Variants in ADGRF5 observed in about 807,000 individuals in gnomAD.
ADGRF5 encodes adhesion G protein-coupled receptor F5, also known as G-protein coupled receptor 116.
A neutral mutation model predicts 132.3 loss-of-function variants in ADGRF5; 75 were observed. The ratio of observed to expected loss-of-function variants is 0.57; its 90% CI spans 0.47 to 0.69. ADGRF5 has a LOEUF of 0.69. Ranked by LOEUF, ADGRF5 falls within the 30% of genes least tolerant of loss-of-function variation. The pLI, the probability that ADGRF5 is intolerant of heterozygous loss-of-function variation, is 0.00. For synonymous variants in ADGRF5, 629 were observed against 597.6 expected (o/e 1.05, Z -0.77); for missense variants, 1,516 against 1,630.6 (o/e 0.93, Z 1.21).
At position 46,860,842 on chromosome 6, in the gene ADGRF5, T is replaced by A. The variant is rs754753494; in HGVS notation, c.2252A>T (p.Asp751Val). 6.2e-7 allele frequency: 1 copy of A among 1,613,754 alleles called. No individual in the cohort carries two copies. The highest frequency in any genetic ancestry group is 1.1e-5 in the South Asian group (1 of 91,058). ...CGCTTTGTCTATGCTAATAGAAAGA[T>A]CCTTCAGGTATGTAGGGAGCATCTC... is the stretch of plus-strand genomic sequence containing the variant. ...QDEMLPTYLK[D>V]LSISIDKAEH... Residue 751 changes from aspartate to valine, a missense_variant, in exon 16 of 21, where the codon GAT (aspartate) becomes GTT (valine). By Grantham distance (152) the Asp-to-Val change is radical. Coordinates refer to ENST00000283296, the MANE Select transcript of ADGRF5 (RefSeq NM_001098518.2).
At chr6:46,937,494 C>CAAGGCAACA (rs1311489778) in intron 1 of ADGRF5, among the ~76,000 whole-genome samples, 1 of 152,136 alleles carries the variant, frequency 6.6e-6, no homozygotes, top group Non-Finnish European at 1.5e-5. Context: ...ATTCTAGTTG[C>CAAGGCAACA]AAGGCAACAC....
intron 4 of ADGRF5, among the ~76,000 whole-genome samples, chr6:46,887,603 T>C (rs919387478): frequency 3.3e-5 from 5 of 152,356 alleles, no homozygotes; most frequent in African/African-American, 9.6e-5. Context: ...ATTTGAAATA[T>C]GCGAATTCAA....
chr6:46,939,556 T>C (rs1777976220), intron 1 of ADGRF5, among the ~76,000 whole-genome samples: 1 of 152,226 alleles, frequency 6.6e-6, no homozygotes. Flanking sequence ...TAATTTTCTG[T>C]TTATTTCCTT....
rs1179532345 is a variant in ADGRF5 at position 46,865,134 on chromosome 6, C to G, written c.1898G>C (p.Trp633Ser). ...ACACACATCAACAGTTTTTGAACAC[C>G]AGGAAACTGAGCTTGCATTGAAATT... ...KHNFNASSVS[W>S]CSKTVDVCCH... The change falls in exon 14 of 21, where the codon TGG becomes TCG. Residue 633 changes from tryptophan (W) to serine (S), a missense_variant. This residue lies in a region of ADGRF5 where 945 missense variants were observed against 929.4 expected (regional missense o/e 1.02). Transcript: ENST00000283296. 12 of 1,611,518 alleles carry G rather than the reference C, an allele frequency of 7.4e-6. No homozygotes were observed. Among genetic ancestry groups the G allele is most frequent in the Non-Finnish European group, 9.3e-6 (11 of 1,177,604 alleles).
At chr6:46,933,314 C>T (rs1000992436) in intron 1 of ADGRF5, among the ~76,000 whole-genome samples, 2 of 152,170 alleles carry the variant, frequency 1.3e-5, no homozygotes, top group Non-Finnish European at 2.9e-5. Context: ...CTACACATAT[C>T]GCTCAGTAAA....
At chr6:46,895,626 T>G (rs1334647984) in intron 3 of ADGRF5, among the ~76,000 whole-genome samples, 3 of 149,842 alleles carry the variant, frequency 2.0e-5, no homozygotes, top group Admixed American at 1.3e-4. Context: ...AGTGCAGGGT[T>G]TGGACATCCT....
In ADGRF5 at chr6:46,881,461, T is replaced by G; in HGVS notation, c.808A>C (p.Thr270Pro). 6.2e-7 allele frequency: 1 copy of G among 1,612,718 alleles called. No individual in the cohort carries two copies. The highest frequency in any genetic ancestry group is 8.5e-7 in the Non-Finnish European group (1 of 1,178,744). ...TCTAAACAATTTCACTTACTGATAG[T>G]AACTGCTTGAAAGGAGTTGTAGTCC... The part of the protein sequence containing the change: ...KMDYNSFQAV[T>P]INESNFFVTP... The change falls in exon 8 of 21, where the codon ACT becomes CCT. Residue 270 changes from threonine (T) to proline (P), a missense_variant. By Grantham distance (38) the Thr-to-Pro change is conservative. This residue lies in a region of ADGRF5 where 945 missense variants were observed against 929.4 expected (regional missense o/e 1.02). Coordinates refer to ENST00000283296, the MANE Select transcript of ADGRF5 (RefSeq NM_001098518.2).
intron 2 of ADGRF5, 98 bp from the exon 3 acceptor site, chr6:46,900,181 A>G: frequency 2.2e-6 from 2 of 896,386 alleles, no homozygotes; most frequent in Non-Finnish European, 3.8e-6. Context: ...AGCTGAGCTT[A>G]AGGCTGCAGA....
At position 46,871,908 on chromosome 6, in the gene ADGRF5, C is replaced by G. The variant is rs748050091; in HGVS notation, c.1346G>C (p.Cys449Ser). Residue 449 changes from cysteine (C) to serine (S), a missense_variant, in exon 11 of 21, where the codon TGT (cysteine) becomes TCT (serine). Coordinates refer to ENST00000283296, the MANE Select transcript of ADGRF5 (RefSeq NM_001098518.2). ...GGCTCCATAGGCACTGATGAACTCA[C>G]AAGTGTAGATGACTGTTGTTCCAGA... ...GSSGTTVIYT[C>S]EFISAYGARG... 1 of 1,612,974 alleles carries G rather than the reference C, an allele frequency of 6.2e-7. No individual in the cohort carries two copies. Among genetic ancestry groups the G allele is most frequent in the Non-Finnish European group, 8.5e-7 (1 of 1,179,202 alleles).
chr6:46,910,929 C>G (rs1775883385), intron 1 of ADGRF5, among the ~76,000 whole-genome samples: 2 of 152,182 alleles, frequency 1.3e-5, no homozygotes, highest in Admixed American at 1.3e-4. Context: ...AGTCCTGTTA[C>G]TATTTTAAGA....
At chr6:46,859,825 T>TTTTATTTTATTTTATTTTA (rs1717328777) in intron 16 of ADGRF5, among the ~76,000 whole-genome samples, 2 of 151,250 alleles carry the variant, frequency 1.3e-5, no homozygotes, top group Admixed American at 1.3e-4. Flanking sequence ...TACTATTTTA[T>TTTTATTTTATTTTATTTTA]TTTATTTTAT....
rs1775414914 is a variant in ADGRF5, at chr6:46,906,700, A to G, written c.63T>C (p.Ala21=). 2 of 1,602,596 alleles carry G rather than the reference A, an allele frequency of 1.2e-6. No homozygotes were observed. Among genetic ancestry groups the G allele is most frequent in the Non-Finnish European group, 1.7e-6 (2 of 1,169,512 alleles). ...LMFIVIYSSK[A]ALNWNYESTI... is the part of the protein sequence containing the mutation. ...TAGACTCGTAATTCCAGTTCAGTGCAGCTTTGGAAGAATAAATCACAATAA... is the reference window on the plus strand; with the variant it reads ...TAGACTCGTAATTCCAGTTCAGTGCGGCTTTGGAAGAATAAATCACAATAA... Residue 21 remains alanine (A), a synonymous_variant, in exon 2 of 21, where the codon GCT becomes GCC. Transcript: ENST00000283296.
At chr6:46,911,544 TC>T (rs1281312651) in intron 1 of ADGRF5, among the ~76,000 whole-genome samples, 1 of 152,178 alleles carries the variant, frequency 6.6e-6, no homozygotes, top group Non-Finnish European at 1.5e-5. Flanking sequence ...ATTCTACCCA[TC>T]CTTCAATGCC....
chr6:46,899,026 G>A (rs1370829654), intron 3 of ADGRF5, among the ~76,000 whole-genome samples: 1 of 152,186 alleles, frequency 6.6e-6, no homozygotes, highest in Non-Finnish European at 1.5e-5. Flanking sequence ...GGGTGGTAAA[G>A]AGGAGGTAAA....
intron 1 of ADGRF5, among the ~76,000 whole-genome samples, chr6:46,945,044 A>G (rs1778250130): frequency 6.6e-6 from 1 of 152,256 alleles, no homozygotes; most frequent in Admixed American, 6.5e-5. Context: ...ATGCAACACC[A>G]GCATTGGCAG....
At chr6:46,931,146 G>A (rs1191786504) in intron 1 of ADGRF5, among the ~76,000 whole-genome samples, 2 of 152,184 alleles carry the variant, frequency 1.3e-5, no homozygotes, top group African/African-American at 2.4e-5. Flanking sequence ...CAGTTTGAGA[G>A]GATGATAGGC....
chr6:46,883,092 C>T (rs1275436091), intron 6 of ADGRF5, among the ~76,000 whole-genome samples: 1 of 152,224 alleles, frequency 6.6e-6, no homozygotes. Context: ...GGAATACTCT[C>T]TATTTTTATG....
chr6:46,910,534 T>A (rs182966349), intron 1 of ADGRF5, among the ~76,000 whole-genome samples: 1 of 152,142 alleles, frequency 6.6e-6, no homozygotes, highest in Non-Finnish European at 1.5e-5. Context: ...ACTATTAAAT[T>A]ACCCCCATTT....
chr6:46,892,278 T>A (rs1346644979), intron 3 of ADGRF5, among the ~76,000 whole-genome samples: 2 of 151,948 alleles, frequency 1.3e-5, no homozygotes, highest in Non-Finnish European at 2.9e-5. Flanking sequence ...CTTTGTAAAC[T>A]TTAAAGTACT....
Sources: gnomAD v4.1 joint callset for allele counts (sites outside exome capture counted in the v4.1 genomes callset) on GRCh38, gnomAD v4.1.1 for gene constraint, gnomAD v4.1.1 regional missense constraint, MANE v1.5 for transcripts, NCBI Gene and HGNC (gene_info 2026-07-23, HGNC 2026-07-21) for gene names.